The following MUC17 variants were observed in gnomAD, a reference collection of about 807,000 sequenced individuals.
The protein encoded by MUC17 is mucin 17, cell surface associated.
A neutral mutation model predicts 170.3 loss-of-function variants in MUC17; 190 were observed. That is an observed-to-expected ratio of 1.12 (90% confidence interval 0.99 to 1.26). The LOEUF is 1.26. Among genes scored for constraint, MUC17 ranks in the 50% most tolerant of loss-of-function variants. The pLI is 0.00. For synonymous variants in MUC17, 2,325 were observed against 2,002.5 expected (o/e 1.16, Z -4.30); for missense variants, 6,415 against 5,530.0 (o/e 1.16, Z -5.08).
intron 9 of MUC17, among the ~76,000 whole-genome samples, chr7:101,052,547 G>T (rs959619569): frequency 6.6e-6 from 1 of 152,158 alleles, no homozygotes; most frequent in African/African-American, 2.4e-5. Flanking sequence ...CTTAGAGAGG[G>T]CATCTCAAGG....
chr7:101,053,637 G>T (rs968058786), intron 11 of MUC17: 2 of 465,446 alleles, frequency 4.3e-6, no homozygotes, highest in Non-Finnish European at 7.6e-6. Context: ...AATAAAAAAG[G>T]GAGGCTGAGG....
chr7:101,024,342 G>A (rs1250174843), intron 1 of MUC17, among the ~76,000 whole-genome samples: 3 of 151,908 alleles, frequency 2.0e-5, no homozygotes, highest in Non-Finnish European at 2.9e-5. Flanking sequence ...AGAGGTTGCC[G>A]TGAGCCGAGA....
intron 6 of MUC17, 67 bp from the exon 7 acceptor site, chr7:101,050,417 G>T: frequency 1.3e-6 from 2 of 1,559,612 alleles, no homozygotes; most frequent in Non-Finnish European, 1.7e-6. Context: ...GGTGAAGCTT[G>T]CCTGGTACAG....
rs1202644716 is a variant in MUC17 at position 101,037,475 on chromosome 7, C to T, written c.6059C>T (p.Thr2020Ile). 2 of 1,612,522 alleles carry T rather than the reference C, an allele frequency of 1.2e-6. No homozygotes were observed. Among genetic ancestry groups the T allele is most frequent in the African/African-American group, 1.3e-5 (1 of 74,842 alleles). Reference sequence around the variant, plus strand: ...ACCAGCACTCCTGCCACCACTTCTACTGAAGGCAGTTCATCTCCTACAACT... The same window carrying T: ...ACCAGCACTCCTGCCACCACTTCTATTGAAGGCAGTTCATCTCCTACAACT... ...VDTSTPATTS[T>I]EGSSSPTTAG... Residue 2020 changes from threonine to isoleucine, a missense_variant, in exon 3 of 13, where the codon ACT becomes ATT. Thr to Ile is a moderately conservative substitution (Grantham distance 89). Transcript: ENST00000306151.
rs1341838215 is a variant in MUC17 at position 101,042,821 on chromosome 7, C to A, written c.11405C>A (p.Thr3802Asn). ...TCTCCTACAACTCTTGAAGGCACCA[C>A]CACCATGCCTATGTCAACTACGAGT... ...SSSPTTLEGT[T>N]TMPMSTTSER... Residue 3802 changes from threonine to asparagine, a missense_variant, in exon 3 of 13, where the codon ACC (threonine) becomes AAC (asparagine). Transcript: ENST00000306151. 2.5e-6 allele frequency: 4 copies of A among 1,614,088 alleles called. No individual in the cohort carries two copies. Among genetic ancestry groups the A allele is most frequent in the East Asian group, 2.2e-5 (1 of 44,906 alleles).
In MUC17 at chr7:101,042,554, C is replaced by T; in HGVS notation, c.11138C>T (p.Thr3713Ile). ...CGTGTGACCAGCTCTGAGGGTAGCA[C>T]CCTTTCAACACCTTCTGTTGTCACC... Reference protein sequence around the residue: ...TTRVTSSEGSTLSTPSVVTST... With the variant: ...TTRVTSSEGSILSTPSVVTST... Residue 3713 changes from threonine to isoleucine, a missense_variant, in exon 3 of 13, where the codon ACC becomes ATC. Transcript: ENST00000306151. 2 of 1,614,118 alleles carry T rather than the reference C, an allele frequency of 1.2e-6. No homozygotes were observed. Among genetic ancestry groups the T allele is most frequent in the Admixed American group, 1.7e-5 (1 of 60,036 alleles).
chr7:101,036,108 A>G lies in MUC17; in HGVS notation c.4692A>G (p.Gln1564=). 6.2e-7 allele frequency: 1 copy of G among 1,612,180 alleles called. No homozygotes were observed. The highest frequency in any genetic ancestry group is 1.3e-5 in the African/African-American group (1 of 74,978). Residue 1564 remains glutamine, a synonymous_variant, in exon 3 of 13, where the codon CAA becomes CAG. Transcript: ENST00000306151. ...SPTTADGTSM[Q]TSTYSEGSTP... ...CAACTGCTGACGGTACCAGCATGCAAACCTCAACTTATAGTGAAGGAAGCA... is the reference window on the plus strand; with the variant it reads ...CAACTGCTGACGGTACCAGCATGCAGACCTCAACTTATAGTGAAGGAAGCA...
chr7:101,032,146 A>T lies in MUC17; in HGVS notation c.730A>T (p.Ser244Cys). 1 of 1,613,862 alleles carries T rather than the reference A, an allele frequency of 6.2e-7. No homozygotes were observed. The highest frequency in any genetic ancestry group is 8.5e-7 in the Non-Finnish European group (1 of 1,179,988). The change falls in exon 3 of 13, where the codon AGC (serine) becomes TGC (cysteine). Residue 244 changes from serine (S) to cysteine (C), a missense_variant. Coordinates refer to ENST00000306151, the MANE Select transcript of MUC17 (RefSeq NM_001040105.2). ...ITLLTTPVEI[S>C]TPVTISAQAS... ...CCTTTTGACAACTCCTGTTGAAATC[A>T]GCACACCTGTGACCATTTCTGCTCA...
At position 101,037,610 on chromosome 7, in the gene MUC17, C is replaced by A; in HGVS notation, c.6194C>A (p.Ser2065Ter). The change falls in exon 3 of 13, where the codon TCA (serine) becomes TAA (stop). Residue 2065 changes from serine to a stop codon, truncating the protein, a stop_gained. Coordinates refer to ENST00000306151, the MANE Select transcript of MUC17 (RefSeq NM_001040105.2). LOFTEE classifies it high-confidence loss of function. ...GTCAGTTCTGAGGGTAACACCCTTT[C>A]AACAACTCCTGTTGACTCCAAAACT... ...LVVSSEGNTL[S>*]TTPVDSKTQV... 1 of 1,613,986 alleles carries A rather than the reference C, an allele frequency of 6.2e-7. No homozygotes were observed. The highest frequency in any genetic ancestry group is 8.5e-7 in the Non-Finnish European group (1 of 1,179,946).
chr7:101,053,880 CAA>C (rs1161408296), intron 11 of MUC17, among the ~76,000 whole-genome samples: 5 of 108,988 alleles, frequency 4.6e-5, no homozygotes, highest in South Asian at 2.9e-4. Context: ...AACTCCGTCT[CAA>C]AAAAAAAAAA....
rs1794333813 is a variant in MUC17, at chr7:101,032,853, CA to C, written c.1441del (p.Thr481LeufsTer3). ...SNLSTTPVDS[K>X]TQVTTSTEAS... ...ACCTTTCAACAACTCCTGTTGACTC[CA>C]AAACTCAGGTGACCACTTCTACTGA... On this transcript the variant is annotated frameshift_variant, in exon 3 of 13. Transcript: ENST00000306151. LOFTEE classifies it high-confidence loss of function. The C allele has an allele frequency of 6.2e-7, 1 of 1,613,772 alleles. No individual in the cohort carries two copies. The highest frequency in any genetic ancestry group is 8.5e-7 in the Non-Finnish European group (1 of 1,179,864).
chr7:101,022,449 G>A (rs1794108917), intron 1 of MUC17, among the ~76,000 whole-genome samples: 1 of 152,176 alleles, frequency 6.6e-6, no homozygotes, highest in Admixed American at 6.5e-5. Context: ...TTACAGGCGT[G>A]AGCCACTGCA....
chr7:101,038,334 C>G lies in MUC17; in HGVS notation c.6918C>G (p.Ser2306=), dbSNP rs1285298423. Residue 2306 remains serine, a synonymous_variant, in exon 3 of 13, where the codon TCC becomes TCG. Coordinates refer to ENST00000306151, the MANE Select transcript of MUC17 (RefSeq NM_001040105.2). ...CCCTTTCAACAACTCCTGTTGACTCCAACACTCCTTTCACTACTTCTACTG... is the reference window on the plus strand; with the variant it reads ...CCCTTTCAACAACTCCTGTTGACTCGAACACTCCTTTCACTACTTCTACTG... ...VSTLSTTPVD[S]NTPFTTSTEA... The G allele has an allele frequency of 1.2e-6, 2 of 1,613,634 alleles. No individual in the cohort carries two copies. Among genetic ancestry groups the G allele is most frequent in the East Asian group, 4.5e-5 (2 of 44,862 alleles).
rs1000464303 is a variant in MUC17 at position 101,029,894 on chromosome 7, C to T, written c.83-1226C>T. Among the ~76,000 whole-genome samples the T allele has an allele frequency of 3.3e-5, 5 of 152,112 alleles. No homozygotes were observed. The East Asian group carries it at 5.8e-4, about 18-fold the overall frequency. On this transcript the variant is annotated intron_variant, in intron 1 of 12. Coordinates refer to ENST00000306151, the MANE Select transcript of MUC17 (RefSeq NM_001040105.2). ...GATTACAGGCGTGAACCACCGTGCC[C>T]GACCTCTTTTAGGTTTTTTTTTAGT...
Position 101,039,062 on chromosome 7 carries a change from C to T in MUC17, c.7646C>T (p.Ser2549Phe), listed in dbSNP as rs772538723. ...GACTCCAACAGTCCTGTGGTCACTT[C>T]TACTGAAATCAGTTCATCTGCTACA... ...PVDSNSPVVTSTEISSSATSA... is the reference protein window; with the variant it reads ...PVDSNSPVVTFTEISSSATSA... Residue 2549 changes from serine to phenylalanine, a missense_variant, in exon 3 of 13, where the codon TCT becomes TTT. Physicochemically the swap from Ser to Phe is radical, Grantham distance 155. Coordinates refer to ENST00000306151, the MANE Select transcript of MUC17 (RefSeq NM_001040105.2). 1.9e-6 allele frequency: 3 copies of T among 1,613,646 alleles called. No homozygotes were observed. The highest frequency in any genetic ancestry group is 3.3e-5 in the Admixed American group (2 of 59,962).
rs767447088 is a variant in MUC17, at chr7:101,038,880, C to T, written c.7464C>T (p.Thr2488=). The stretch of plus-strand genomic sequence containing the variant: ...CTGTTGACACCAGCACACCTATGAC[C>T]ACTTCTACTGAAGCCAGTTCATCTC... ...TTPVDTSTPM[T]TSTEASSSPT... is the part of the protein sequence containing the mutation. The change falls in exon 3 of 13, where the codon ACC becomes ACT. Residue 2488 remains threonine, a synonymous_variant. Transcript: ENST00000306151. 1.9e-6 allele frequency: 3 copies of T among 1,613,806 alleles called. No homozygotes were observed. The highest frequency in any genetic ancestry group is 2.5e-6 in the Non-Finnish European group (3 of 1,179,980).
At chr7:101,056,067 A>T (rs1028692671) in intron 11 of MUC17, 127 bp from the exon 12 acceptor site, 4 of 1,324,852 alleles carry the variant, frequency 3.0e-6, no homozygotes, top group Non-Finnish European at 4.1e-6. Flanking sequence ...TCACATTTTC[A>T]AGGGTTTGCA....
intron 12 of MUC17, among the ~76,000 whole-genome samples, chr7:101,057,244 C>A (rs1454535491): frequency 2.0e-5 from 3 of 152,174 alleles, no homozygotes; most frequent in African/African-American, 7.2e-5. Context: ...ACTCCTTGAT[C>A]ACTGCTTTAA....
chr7:101,036,020 C>T lies in MUC17; in HGVS notation c.4604C>T (p.Ser1535Leu), dbSNP rs780765012. ...TVASSEINSL[S>L]TTPAVTSTPV... ...GCCAGTTCTGAAATCAACAGCCTTT[C>T]AACAACTCCTGCTGTCACCAGCACA... Residue 1535 changes from serine (S) to leucine (L), a missense_variant, in exon 3 of 13, where the codon TCA becomes TTA. Coordinates refer to ENST00000306151, the MANE Select transcript of MUC17 (RefSeq NM_001040105.2). 2.5e-6 allele frequency: 4 copies of T among 1,611,910 alleles called. No individual in the cohort carries two copies. In the South Asian group the frequency reaches 3.3e-5, roughly 13 times the overall value.
Sources: gnomAD v4.1 joint callset for allele counts (sites outside exome capture counted in the v4.1 genomes callset) on GRCh38, gnomAD v4.1.1 for gene constraint, MANE v1.5 for transcripts, NCBI Gene and HGNC (gene_info 2026-07-23, HGNC 2026-07-21) for gene names.